KRT86: variants seen among roughly 807,000 people sequenced by gnomAD.
The protein encoded by KRT86 is keratin, type II cuticular Hb6.
In KRT86, 30 loss-of-function variants were observed where a neutral mutation model predicts 41.2. The observed-to-expected ratio is 0.73, with a 90% confidence interval of 0.54 to 0.99. KRT86 has a LOEUF of 0.99. Ranked by LOEUF, KRT86 falls within the 50% of genes least tolerant of loss-of-function variation. KRT86 has a pLI of 0.00. For synonymous variants in KRT86, 238 were observed against 238.1 expected (o/e 1.00, Z 0.00); for missense variants, 561 against 571.4 (o/e 0.98, Z 0.19).
intron 2 of KRT86, among the ~76,000 whole-genome samples, chr12:52,300,000 C>T (rs1938336259): frequency 6.6e-6 from 1 of 152,276 alleles, no homozygotes; most frequent in African/African-American, 2.4e-5. Flanking sequence ...TTTGAGGTCT[C>T]AATCAAGAAA....
chr12:52,292,933 T>C (rs1367368232), intron 2 of KRT86, among the ~76,000 whole-genome samples: 2 of 152,082 alleles, frequency 1.3e-5, no homozygotes, highest in Non-Finnish European at 2.9e-5. Context: ...GGTCAGGAGT[T>C]CAAGACCAGC....
chr12:52,294,616 T>G (rs1938206782), intron 2 of KRT86, among the ~76,000 whole-genome samples: 1 of 152,130 alleles, frequency 6.6e-6, no homozygotes, highest in African/African-American at 2.4e-5. Flanking sequence ...TTGTGAAATA[T>G]TTCAACACAA....
intron 1 of KRT86, among the ~76,000 whole-genome samples, chr12:52,275,396 A>C (rs1942542860): frequency 6.6e-6 from 1 of 152,156 alleles, no homozygotes; most frequent in African/African-American, 2.4e-5. Context: ...CCTAGATTTT[A>C]AAATGTGTTT....
chr12:52,298,926 C>T (rs1284406129), intron 2 of KRT86, among the ~76,000 whole-genome samples: 3 of 147,790 alleles, frequency 2.0e-5, no homozygotes, highest in Non-Finnish European at 4.4e-5. Context: ...ATATCCATCA[C>T]CTCAAACATT....
chr12:52,286,245 G>A (rs1291170883), intron 2 of KRT86: 1 of 1,552,326 alleles, frequency 6.4e-7, no homozygotes, highest in East Asian at 2.4e-5. Context: ...TGGGACTTGA[G>A]TTGGGGTGCC....
chr12:52,307,942 C>T (rs1403201035), intron 9 of KRT86, among the ~76,000 whole-genome samples: 1 of 152,344 alleles, frequency 6.6e-6, no homozygotes, highest in East Asian at 1.9e-4. Flanking sequence ...TGATTCAGTC[C>T]TCGCAAGAGA....
At chr12:52,305,531 G>C (rs1351368859) in intron 7 of KRT86, 127 bp downstream of exon 7, 1 of 1,597,436 alleles carries the variant, frequency 6.3e-7, no homozygotes. Flanking sequence ...CTCTGATGTT[G>C]GGGTGGTAGG....
chr12:52,291,261 C>T lies in KRT86; in HGVS notation c.-4-10652C>T, dbSNP rs1243420568. 2 of 1,526,854 alleles carry T rather than the reference C, an allele frequency of 1.3e-6. No individual in the cohort carries two copies. The highest frequency in any genetic ancestry group is 8.8e-7 in the Non-Finnish European group (1 of 1,136,414). The allele number at this position is 1,526,854 out of a possible 1,614,324, so 94.6% of individuals were successfully genotyped here. ...CATGGGGGACTGGGCCCGCACACGC[C>T]CCCGGAGCGGTAGCCGAAGCTGCGT... On this transcript the variant is annotated intron_variant, in intron 2 of 10. Transcript: ENST00000423955.
Position 52,305,422 on chromosome 12 carries a change from C to G in KRT86, c.900+18C>G, listed in dbSNP as rs1938486530. On this transcript the variant is annotated intron_variant, in intron 7 of 10. Coordinates refer to ENST00000423955, the MANE Select transcript of KRT86 (RefSeq NM_001320198.2). ...GCAGCAAGGTGAGTGGCACAGGACA[C>G]CTGCCTGCTAGACATGGCAGTGGGA... is the stretch of plus-strand genomic sequence containing the variant. 6.2e-7 allele frequency: 1 copy of G among 1,614,072 alleles called. No individual in the cohort carries two copies. Among genetic ancestry groups the G allele is most frequent in the Non-Finnish European group, 8.5e-7 (1 of 1,180,044 alleles).
intron 2 of KRT86, among the ~76,000 whole-genome samples, chr12:52,284,750 G>C (rs1213279977): frequency 1.3e-5 from 2 of 152,118 alleles, no homozygotes; most frequent in Non-Finnish European, 2.9e-5. Flanking sequence ...GTATTTTCTG[G>C]GCCTTGGACT....
chr12:52,296,031 A>T (rs1425733921), intron 2 of KRT86, among the ~76,000 whole-genome samples: 6 of 152,240 alleles, frequency 3.9e-5, no homozygotes, highest in Middle Eastern at 3.4e-3. Context: ...AGCCAATGAG[A>T]ACAAGGATCT....
intron 2 of KRT86, among the ~76,000 whole-genome samples, chr12:52,281,871 TG>T (rs932674883): frequency 6.6e-6 from 1 of 152,092 alleles, no homozygotes; most frequent in African/African-American, 2.4e-5. Context: ...CCTCAGTAGC[TG>T]GGACTACAGG....
intron 2 of KRT86, among the ~76,000 whole-genome samples, chr12:52,281,132 G>A (rs560429818): frequency 2.0e-5 from 3 of 152,216 alleles, no homozygotes; most frequent in Non-Finnish European, 4.4e-5. Context: ...CCAGACTGGG[G>A]TGGGAGGAAA....
intron 2 of KRT86, among the ~76,000 whole-genome samples, chr12:52,298,225 G>T (rs1278094815): frequency 6.6e-6 from 1 of 152,170 alleles, no homozygotes; most frequent in Non-Finnish European, 1.5e-5. Flanking sequence ...TGAAGGAGGG[G>T]CATGTGTTTT....
chr12:52,278,797 CTG>C (rs1937700997), intron 2 of KRT86: 2 of 152,306 alleles, frequency 1.3e-5, no homozygotes, highest in Non-Finnish European at 2.9e-5. Flanking sequence ...GGCAGAAGGG[CTG>C]TGTTTCTGTT....
In KRT86 at chr12:52,308,637, T is replaced by G; in HGVS notation, c.*52T>G. The stretch of plus-strand genomic sequence containing the variant: ...TCGCCGTCACTCTCCACCCAGCCAG[T>G]ACCTCGCGCCACCAGAACGCGCCGC... On this transcript the variant is annotated 3_prime_UTR_variant, in exon 11 of 11. Transcript: ENST00000423955. The G allele has an allele frequency of 6.5e-7, 1 of 1,550,002 alleles. No homozygotes were observed. The highest frequency in any genetic ancestry group is 8.7e-7 in the Non-Finnish European group (1 of 1,143,890).
At chr12:52,287,279 C>A (rs1347312294) in intron 2 of KRT86, 4 of 1,613,954 alleles carry the variant, frequency 2.5e-6, no homozygotes, top group Non-Finnish European at 3.4e-6. Context: ...GGCCGCCTCA[C>A]CCTGCTGCTC....
At position 52,305,066 on chromosome 12, in the gene KRT86, CAG is replaced by C. The variant is rs200442950; in HGVS notation, c.735+44_735+45del. ...GGCCAGGCAGAGACCTGGCAGCCAG[CAG>C]AGAGGAGAGATGGGGGTGGGAGTGT... On this transcript the variant is annotated intron_variant, in intron 6 of 10. Coordinates refer to ENST00000423955, the MANE Select transcript of KRT86 (RefSeq NM_001320198.2). 3,197 of 1,612,316 alleles carry C rather than the reference CAG, an allele frequency of 2.0e-3. 47 individuals are homozygous for C. In the African/African-American group the frequency reaches 0.037, roughly 19 times the overall value.
intron 2 of KRT86, among the ~76,000 whole-genome samples, chr12:52,282,525 C>T (rs985187586): frequency 1.3e-5 from 2 of 152,190 alleles, no homozygotes; most frequent in Non-Finnish European, 1.5e-5. Flanking sequence ...CGTGAGCCAC[C>T]GCGCCCGGCC....
Sources: gnomAD v4.1 joint callset for allele counts (sites outside exome capture counted in the v4.1 genomes callset) on GRCh38, gnomAD v4.1.1 for gene constraint, MANE v1.5 for transcripts, NCBI Gene and HGNC (gene_info 2026-07-23, HGNC 2026-07-21) for gene names.